The following NCOA1 variants were observed in gnomAD, a reference collection of about 807,000 sequenced individuals.
NCOA1 encodes Hin-2 protein.
In NCOA1, 35 loss-of-function variants were observed where a neutral mutation model predicts 150.9. The observed-to-expected ratio is 0.23, with a 90% CI of 0.18 to 0.31. The LOEUF (loss-of-function observed/expected upper bound fraction) is 0.31, where lower values mean the gene tolerates loss of function less well. NCOA1 is among the 10% of genes least tolerant of loss of function. The pLI is 1.00. For synonymous variants in NCOA1, 590 were observed against 630.0 expected (o/e 0.94, Z 0.95); for missense variants, 1,491 against 1,749.3 (o/e 0.85, Z 2.63).
At chr2:24,691,713 A>G in intron 9 of NCOA1, 53 bp downstream of exon 9, 1 of 1,555,626 alleles carries the variant, frequency 6.4e-7, no homozygotes, top group East Asian at 2.3e-5. Context: ...ACTTTAAGGA[A>G]AAGAGAGGAA....
intron 14 of NCOA1, among the ~76,000 whole-genome samples, chr2:24,713,351 A>G (rs1036019843): frequency 6.6e-6 from 1 of 152,082 alleles, no homozygotes; most frequent in Non-Finnish European, 1.5e-5. Flanking sequence ...GATTCCCCAG[A>G]TTACAGTGTT....
intron 3 of NCOA1, among the ~76,000 whole-genome samples, chr2:24,618,104 A>G (rs1243298156): frequency 6.6e-6 from 1 of 152,168 alleles, no homozygotes; most frequent in Non-Finnish European, 1.5e-5. Flanking sequence ...GGTGATTTTA[A>G]TTTTATTTTT....
intron 20 of NCOA1, among the ~76,000 whole-genome samples, chr2:24,753,661 AGT>A (rs1481455279): frequency 6.6e-6 from 1 of 152,164 alleles, no homozygotes; most frequent in Non-Finnish European, 1.5e-5. Context: ...TCTTGAGAAA[AGT>A]GACTCTCCTC....
At chr2:24,501,424 G>A (rs974116214) in intron 1 of NCOA1, among the ~76,000 whole-genome samples, 2 of 151,948 alleles carry the variant, frequency 1.3e-5, no homozygotes, top group Non-Finnish European at 2.9e-5. Flanking sequence ...AGTAGTGAGT[G>A]GTATTAATAT....
rs999502349 is a variant in NCOA1, at chr2:24,669,907, G to T, written c.257-3459G>T. ...AATCCCAGCACTTTGGGAGGCCAAG[G>T]TGAGAAGATCGCTTGAGCCCAGGAG... On this transcript the variant is annotated intron_variant, in intron 6 of 22. Coordinates refer to ENST00000348332, the MANE Select transcript of NCOA1 (RefSeq NM_003743.5). Among the ~76,000 whole-genome samples, 7 of 152,328 alleles carry T rather than the reference G, an allele frequency of 4.6e-5. No individual in the cohort carries two copies. In the South Asian group the frequency reaches 6.2e-4, roughly 14 times the overall value.
In NCOA1 at chr2:24,544,685, G is replaced by A. The variant is rs575715611; in HGVS notation, c.-395-19610G>A. 2.0e-4 allele frequency among the ~76,000 whole-genome samples: 31 copies of A among 152,330 alleles called. 1 individual carries two copies. The highest frequency in any genetic ancestry group is 7.5e-4 in the African/African-American group (31 of 41,562). ...GCTCAGGAAGTTGAGGCCACAGTGA[G>A]CCATGATTGTGCTGCTGCACTCCTC... is the stretch of plus-strand genomic sequence containing the variant. On this transcript the variant is annotated intron_variant, in intron 1 of 22. Coordinates refer to ENST00000348332, the MANE Select transcript of NCOA1 (RefSeq NM_003743.5).
intron 4 of NCOA1, among the ~76,000 whole-genome samples, chr2:24,647,227 A>C (rs1245357130): frequency 6.6e-6 from 1 of 152,158 alleles, no homozygotes; most frequent in Non-Finnish European, 1.5e-5. Context: ...GATTGGGGCT[A>C]TATTGATGGG....
rs866277841 is a variant in NCOA1, at chr2:24,710,312, G to A, written c.2419-619G>A. On this transcript the variant is annotated intron_variant, in intron 13 of 22. Transcript: ENST00000348332. ...TTGCCATGTTGGCCAGGCTGGTCTCGAACTTCTGACCTCAGGTGATCCACC... is the reference window on the plus strand; with the variant it reads ...TTGCCATGTTGGCCAGGCTGGTCTCAAACTTCTGACCTCAGGTGATCCACC... Among the ~76,000 whole-genome samples the A allele has an allele frequency of 5.9e-5, 9 of 151,982 alleles. No individual in the cohort carries two copies. The East Asian group carries it at 7.7e-4, about 13-fold the overall frequency.
intron 6 of NCOA1, among the ~76,000 whole-genome samples, chr2:24,669,333 A>G (rs1290851348): frequency 6.6e-6 from 1 of 152,154 alleles, no homozygotes; most frequent in Non-Finnish European, 1.5e-5. Context: ...GTTGTTAGAC[A>G]TGGCCCCCTT....
intron 5 of NCOA1, 136 bp downstream of exon 5, chr2:24,658,902 TC>T: frequency 1.4e-6 from 1 of 738,512 alleles, no homozygotes; most frequent in Non-Finnish European, 2.2e-6. Flanking sequence ...TTGTCTTCCT[TC>T]CCCCAGGGTC....
chr2:24,534,050 C>G (rs1665013544), intron 1 of NCOA1, among the ~76,000 whole-genome samples: 1 of 151,964 alleles, frequency 6.6e-6, no homozygotes, highest in South Asian at 2.1e-4. Flanking sequence ...TGGTAGAATT[C>G]AGCTGTGAAT....
At chr2:24,761,098 T>C (rs1334575123) in intron 21 of NCOA1, among the ~76,000 whole-genome samples, 5 of 152,204 alleles carry the variant, frequency 3.3e-5, no homozygotes, top group African/African-American at 1.2e-4. Context: ...TCTGCCCACC[T>C]CGGCCTCCCA....
chr2:24,659,491 T>G (rs1671086620), intron 5 of NCOA1, among the ~76,000 whole-genome samples: 1 of 152,164 alleles, frequency 6.6e-6, no homozygotes, highest in Non-Finnish European at 1.5e-5. Flanking sequence ...CCAGATAAAT[T>G]TAAATATGCA....
At chr2:24,494,459 T>C (rs1367692052) in intron 1 of NCOA1, among the ~76,000 whole-genome samples, 1 of 152,194 alleles carries the variant, frequency 6.6e-6, no homozygotes. Context: ...TGGCTTAACA[T>C]AGTTTTCATT....
intron 17 of NCOA1, among the ~76,000 whole-genome samples, chr2:24,737,436 C>G (rs1040706417): frequency 6.6e-6 from 1 of 152,148 alleles, no homozygotes; most frequent in Non-Finnish European, 1.5e-5. Flanking sequence ...AAAAAAGAGC[C>G]TATTACTACT....
At chr2:24,601,004 T>C (rs142051789) in intron 3 of NCOA1, among the ~76,000 whole-genome samples, 1 of 152,336 alleles carries the variant, frequency 6.6e-6, no homozygotes, top group East Asian at 1.9e-4. Flanking sequence ...GGAAATATTA[T>C]CTAGTAGTGT....
chr2:24,593,540 C>T (rs1044202446), intron 3 of NCOA1, among the ~76,000 whole-genome samples: 1 of 151,990 alleles, frequency 6.6e-6, no homozygotes, highest in African/African-American at 2.4e-5. Context: ...TACATGTATA[C>T]CTATGTCCAT....
chr2:24,745,090 A>G (rs1647032485), intron 19 of NCOA1, among the ~76,000 whole-genome samples: 2 of 152,132 alleles, frequency 1.3e-5, no homozygotes, highest in African/African-American at 4.8e-5. Context: ...AAACTTTTCT[A>G]GACTACCATG....
At chr2:24,725,342 T>C (rs1674563165) in intron 14 of NCOA1, among the ~76,000 whole-genome samples, 1 of 152,104 alleles carries the variant, frequency 6.6e-6, no homozygotes, top group Non-Finnish European at 1.5e-5. Flanking sequence ...AAGCCTAAAG[T>C]AGTTTTGGTT....
Sources: allele counts gnomAD v4.1 joint callset (sites outside exome capture counted in the v4.1 genomes callset), GRCh38; gene constraint gnomAD v4.1.1; transcripts MANE v1.5; gene names NCBI Gene and HGNC (gene_info 2026-07-23, HGNC 2026-07-21).